Variants in OPA3 observed in about 807,000 individuals in gnomAD.
OPA3 encodes optic atrophy 3 protein.
In OPA3, 6 loss-of-function variants were observed where a neutral mutation model predicts 4.0. The observed-to-expected ratio is 1.51, with a 90% CI of 0.83 to 2.99. The LOEUF is 2.99. OPA3 is among the 30% of genes most tolerant of loss of function. The pLI is 0.00. For missense variants in OPA3, 235 were observed against 256.2 expected (o/e 0.92, Z 0.56); for synonymous variants, 105 against 117.1 (o/e 0.90, Z 0.67).
At chr19:45,561,211 T>C (rs1969497228) in intron 1 of OPA3, among the ~76,000 whole-genome samples, 1 of 152,012 alleles carries the variant, frequency 6.6e-6, no homozygotes, top group Non-Finnish European at 1.5e-5. Flanking sequence ...CGCATGCCTG[T>C]AATCCCAGCT....
At chr19:45,582,198 T>C (rs2122523215) in intron 1 of OPA3, among the ~76,000 whole-genome samples, 1 of 152,030 alleles carries the variant, frequency 6.6e-6, no homozygotes, top group African/African-American at 2.4e-5. Flanking sequence ...TTTCACTCTT[T>C]CGCCTGGGCT....
chr19:45,575,456 C>T (rs1158173475), intron 1 of OPA3, among the ~76,000 whole-genome samples: 3 of 152,062 alleles, frequency 2.0e-5, no homozygotes, highest in Non-Finnish European at 4.4e-5. Context: ...AAAACTGAAA[C>T]CAAGTCCATG....
rs1225511228 is a variant in OPA3 at position 45,553,573 on chromosome 19, C to A, written c.481G>T (p.Ala161Ser). 4 of 1,612,876 alleles carry A rather than the reference C, an allele frequency of 2.5e-6. No individual in the cohort carries two copies. The African/African-American group carries it at 4.0e-5, about 16-fold the overall frequency. Residue 161 changes from alanine to serine, a missense_variant, in exon 2 of 2, where the codon GCC (alanine) becomes TCC (serine). Coordinates refer to ENST00000263275, the MANE Select transcript of OPA3 (RefSeq NM_025136.4). ...ELRTELQEVRAQLCNPGRSAS... is the reference protein window; with the variant it reads ...ELRTELQEVRSQLCNPGRSAS... ...GACCGGCCGGGATTGCAGAGCTGGG[C>A]GCGCACCTCTTGCAGCTCTGTGCGC...
At position 45,550,156 on chromosome 19, in the gene OPA3, GAAAGAAAAGA is replaced by G. The variant is rs373580645; in HGVS notation, c.*3348_*3357del. 3.1e-6 allele frequency: 3 copies of G among 965,618 alleles called. No individual in the cohort carries two copies. In the Admixed American group the frequency reaches 1.8e-4, roughly 60 times the overall value. The allele number at this position is 965,618 out of a possible 1,614,324, so 59.8% of individuals were successfully genotyped here. ...AGGGTGACGGAGCTAGACTGTCTCC[GAAAGAAAAGA>G]AAAGAAAAAAGAAGAGAAAAGAAGA... On this transcript the variant is annotated 3_prime_UTR_variant, in exon 2 of 2. Transcript: ENST00000263275.
intron 1 of OPA3, among the ~76,000 whole-genome samples, chr19:45,580,460 A>T (rs1467591723): frequency 3.4e-5 from 5 of 148,288 alleles, no homozygotes; most frequent in Non-Finnish European, 7.4e-5. Flanking sequence ...CGTCTGGCTA[A>T]TTTTGTATTT....
At chr19:45,538,971 G>A (rs1449437552) in intron 1 of OPA3, among the ~76,000 whole-genome samples, 1 of 152,190 alleles carries the variant, frequency 6.6e-6, no homozygotes, top group African/African-American at 2.4e-5. Context: ...GAGGCCTCAG[G>A]AAACTTACAA....
chr19:45,571,437 G>A (rs768570815), intron 1 of OPA3, among the ~76,000 whole-genome samples: 25 of 152,240 alleles, frequency 1.6e-4, no homozygotes, highest in Admixed American at 1.0e-3. Context: ...ATGAGCCACC[G>A]TGCCTGGCTG....
In OPA3 at chr19:45,550,473, G is replaced by A. The variant is rs1292518996; in HGVS notation, c.*3041C>T. On this transcript the variant is annotated 3_prime_UTR_variant, in exon 2 of 2. Coordinates refer to ENST00000263275, the MANE Select transcript of OPA3 (RefSeq NM_025136.4). ...GGGATGGTCTGGGCCTCTGTGTAGA[G>A]ATCGTCACCCTCCCAGCCTCTGCTC... 1 of 978,776 alleles carries A rather than the reference G, an allele frequency of 1.0e-6. No homozygotes were observed. The highest frequency in any genetic ancestry group is 1.2e-6 in the Non-Finnish European group (1 of 827,356). The allele number at this position is 978,776 out of a possible 1,614,324, so 60.6% of individuals were successfully genotyped here.
rs372161100 is a variant in OPA3 at position 45,553,644 on chromosome 19, T to G, written c.410A>C (p.Gln137Pro). 70 of 1,605,772 alleles carry G rather than the reference T, an allele frequency of 4.4e-5. No individual in the cohort carries two copies. Among genetic ancestry groups the G allele is most frequent in the Admixed American group, 6.7e-5 (4 of 59,716 alleles). The change falls in exon 2 of 2, where the codon CAG becomes CCG. Residue 137 changes from glutamine (Q) to proline (P), a missense_variant. Transcript: ENST00000263275. The stretch of plus-strand genomic sequence containing the variant: ...TGGCGGCGCCGCCTGCACCTGCGCC[T>G]GCAGCGCTTCCAGCGCCAGCGCCAG... ...GHLALALEAL[Q>P]AQVQAAPPQG...
At chr19:45,531,853 A>G (rs1253470749) in intron 1 of OPA3, among the ~76,000 whole-genome samples, 1 of 152,172 alleles carries the variant, frequency 6.6e-6, no homozygotes, top group African/African-American at 2.4e-5. Flanking sequence ...TCTATCTTCT[A>G]TCCAAATCCC....
chr19:45,556,556 C>G (rs1196525221), intron 1 of OPA3, among the ~76,000 whole-genome samples: 3 of 151,916 alleles, frequency 2.0e-5, no homozygotes, highest in African/African-American at 7.3e-5. Flanking sequence ...CTGGGTCTTG[C>G]TATGTTGCCA....
chr19:45,541,572 A>T (rs957864328), downstream of OPA3, among the ~76,000 whole-genome samples: 4 of 151,240 alleles, frequency 2.6e-5, no homozygotes, highest in African/African-American at 9.7e-5. Context: ...AATAAGAGAA[A>T]TTTTTTTTTG....
chr19:45,528,911 C>T lies in OPA3; in HGVS notation c.*145G>A, dbSNP rs1969025102. On this transcript the variant is annotated 3_prime_UTR_variant, in exon 2 of 2. Transcript: ENST00000323060. ...GTTAGTAGGGAGGTTCGATCAGCTC[C>T]AGCCCAGGATCTCTCCGGCGCCCCC... 7 of 974,614 alleles carry T rather than the reference C, an allele frequency of 7.2e-6. No individual in the cohort carries two copies. The East Asian group carries it at 1.5e-4, about 20-fold the overall frequency. 60.4% of individuals were successfully genotyped at this position (974,614 alleles called of 1,614,324 possible). A position where few individuals can be genotyped will look rare whatever the true frequency, so the allele number is the denominator to read the frequency against.
intron 1 of OPA3, among the ~76,000 whole-genome samples, chr19:45,577,996 A>C (rs993509470): frequency 2.4e-4 from 36 of 152,336 alleles, no homozygotes; most frequent in African/African-American, 7.5e-4. Context: ...TCACGCCTGT[A>C]ATCCTGAAAC....
intron 1 of OPA3, among the ~76,000 whole-genome samples, chr19:45,560,778 C>T (rs1229606083): frequency 6.6e-6 from 1 of 152,290 alleles, no homozygotes. Context: ...AGCCCCGGAG[C>T]TCCAGGCCAC....
chr19:45,532,837 G>A (rs772120162), intron 1 of OPA3, among the ~76,000 whole-genome samples: 8 of 151,874 alleles, frequency 5.3e-5, no homozygotes, highest in South Asian at 2.1e-4. Context: ...CCTCAGCCTC[G>A]TAAAGTGCTG....
chr19:45,560,511 C>G (rs900721205), intron 1 of OPA3, among the ~76,000 whole-genome samples: 4 of 152,190 alleles, frequency 2.6e-5, no homozygotes, highest in African/African-American at 9.6e-5. Context: ...TCTCCCTTCT[C>G]TCTCTCCTGA....
chr19:45,573,681 T>A (rs1219972126), intron 1 of OPA3, among the ~76,000 whole-genome samples: 1 of 152,016 alleles, frequency 6.6e-6, no homozygotes, highest in African/African-American at 2.4e-5. Flanking sequence ...CTGCAAACAG[T>A]AAACAGTAAA....
intron 1 of OPA3, among the ~76,000 whole-genome samples, chr19:45,569,571 T>C (rs1263698990): frequency 1.3e-5 from 2 of 152,086 alleles, no homozygotes; most frequent in South Asian, 2.1e-4. Context: ...CATTAGAGTT[T>C]AGAAGCCGAT....
Sources: gnomAD v4.1 joint callset for allele counts (sites outside exome capture counted in the v4.1 genomes callset) on GRCh38, gnomAD v4.1.1 for gene constraint, MANE v1.5 for transcripts, NCBI Gene and HGNC (gene_info 2026-07-23, HGNC 2026-07-21) for gene names.